PARN: variants seen among roughly 807,000 people sequenced by gnomAD.
PARN encodes the protein poly(A)-specific ribonuclease PARN.
In PARN, 71 loss-of-function variants were observed where a neutral mutation model predicts 102.8. That is an observed-to-expected ratio of 0.69 (90% CI 0.57 to 0.84). The LOEUF (loss-of-function observed/expected upper bound fraction) is 0.84, where lower values mean the gene tolerates loss of function less well. Ranked by LOEUF, PARN falls within the 40% of genes least tolerant of loss-of-function variation. The pLI is 0.00. For missense variants in PARN, 782 were observed against 760.9 expected, an observed-to-expected ratio of 1.03 and a Z score of -0.33; for synonymous variants, 261 against 252.9, an observed-to-expected ratio of 1.03 and a Z score of -0.30.
chr16:14,487,081 G>A (rs536708347), intron 21 of PARN, among the ~76,000 whole-genome samples: 1 of 152,352 alleles, frequency 6.6e-6, no homozygotes, highest in African/African-American at 2.4e-5. Context: ...CGGGGCATCC[G>A]GTGGAAGTCT....
chr16:14,570,590 C>T (rs1230479425), intron 18 of PARN, among the ~76,000 whole-genome samples: 4 of 147,248 alleles, frequency 2.7e-5, no homozygotes, highest in African/African-American at 7.6e-5. Flanking sequence ...GCGGAGGTTG[C>T]AGTGAACAAA....
intron 10 of PARN, among the ~76,000 whole-genome samples, chr16:14,604,636 G>C (rs1197931740): frequency 6.6e-6 from 1 of 150,888 alleles, no homozygotes; most frequent in Non-Finnish European, 1.5e-5. Flanking sequence ...TTTTTTTTTT[G>C]AGACAGTCTC....
In PARN at chr16:14,436,472, A is replaced by T. The variant is rs1960700799; in HGVS notation, c.*245T>A. 1 of 565,614 alleles carries T rather than the reference A, an allele frequency of 1.8e-6. No individual in the cohort carries two copies. Among genetic ancestry groups the T allele is most frequent in the Non-Finnish European group, 3.1e-6 (1 of 318,468 alleles). The allele number at this position is 565,614 out of a possible 1,614,324, so 35.0% of individuals were successfully genotyped here. A position where few individuals can be genotyped will look rare whatever the true frequency, so the allele number is the denominator to read the frequency against. On this transcript the variant is annotated 3_prime_UTR_variant, in exon 24 of 24. Transcript: ENST00000437198. ...GCAACACGGAATTCACTGGTTAAGC[A>T]CGTACACATTCATGACAGCCTACAA...
intron 17 of PARN, 64 bp from the exon 18 acceptor site, chr16:14,581,007 G>T: frequency 1.1e-6 from 1 of 891,814 alleles, no homozygotes; most frequent in Non-Finnish European, 1.8e-6. Context: ...TGAAAGTTCA[G>T]ACCAAAACAG....
rs1012033769 is a variant in PARN, at chr16:14,628,269, A to C, written c.98-18T>G. On this transcript the variant is annotated intron_variant, in intron 2 of 23. Transcript: ENST00000437198. ...ACTGATTCCTAGATTTTAAGAAATA[A>C]AAATTTTTAGCTTACTAATAAATAC... The C allele has an allele frequency of 2.7e-6, 4 of 1,486,478 alleles. No individual in the cohort carries two copies. The highest frequency in any genetic ancestry group is 1.2e-5 in the South Asian group (1 of 85,720). 92.1% of individuals were successfully genotyped at this position (1,486,478 alleles called of 1,614,324 possible).
At chr16:14,600,836 A>C (rs1252734573) in intron 11 of PARN, among the ~76,000 whole-genome samples, 2 of 152,180 alleles carry the variant, frequency 1.3e-5, no homozygotes, top group Admixed American at 6.5e-5. Context: ...AGGCTGAGGC[A>C]GGAGAATCGC....
At chr16:14,487,847 AG>A (rs1963804544) in intron 21 of PARN, among the ~76,000 whole-genome samples, 1 of 152,206 alleles carries the variant, frequency 6.6e-6, no homozygotes. Flanking sequence ...GCATTTGCTG[AG>A]GCACAGAACT....
intron 11 of PARN, among the ~76,000 whole-genome samples, chr16:14,600,380 T>C (rs1356594916): frequency 6.6e-6 from 1 of 152,178 alleles, no homozygotes; most frequent in East Asian, 1.9e-4. Context: ...TCATAATTCC[T>C]GATTTTTTTT....
intron 21 of PARN, among the ~76,000 whole-genome samples, chr16:14,498,112 G>T (rs1596518735): frequency 8.5e-6 from 1 of 118,136 alleles, no homozygotes; most frequent in East Asian, 2.7e-4. Flanking sequence ...AATAGAGAGA[G>T]ACTCCATCTC....
intron 21 of PARN, among the ~76,000 whole-genome samples, chr16:14,518,417 T>C (rs1237565235): frequency 6.6e-6 from 1 of 151,934 alleles, no homozygotes; most frequent in Non-Finnish European, 1.5e-5. Flanking sequence ...TTAAATGGGC[T>C]TAATTTATGT....
chr16:14,608,756 C>G lies in PARN; in HGVS notation c.620+302G>C, dbSNP rs540227973. On this transcript the variant is annotated intron_variant, in intron 8 of 23. Coordinates refer to ENST00000437198, the MANE Select transcript of PARN (RefSeq NM_002582.4). ...TGAAAGTGAATTCTTTCTTCTGAAG[C>G]CTTCACGTATTAAGCGCGCCTCAAG... is the stretch of plus-strand genomic sequence containing the variant. Among the ~76,000 whole-genome samples, 7 of 152,262 alleles carry G rather than the reference C, an allele frequency of 4.6e-5. No individual in the cohort carries two copies. In the South Asian group the frequency reaches 1.5e-3, roughly 32 times the overall value.
chr16:14,539,944 C>A (rs1350142271), intron 21 of PARN, among the ~76,000 whole-genome samples: 2 of 152,136 alleles, frequency 1.3e-5, no homozygotes, highest in Non-Finnish European at 2.9e-5. Flanking sequence ...ATAGCATTTG[C>A]ATTGTTAGGC....
chr16:14,616,219 G>C (rs1971893161), intron 6 of PARN, among the ~76,000 whole-genome samples: 1 of 152,168 alleles, frequency 6.6e-6, no homozygotes, highest in South Asian at 2.1e-4. Flanking sequence ...AATCTGAAAT[G>C]TTCTAATGTC....
At chr16:14,441,060 A>G (rs1960918645) in intron 23 of PARN, among the ~76,000 whole-genome samples, 1 of 152,218 alleles carries the variant, frequency 6.6e-6, no homozygotes. Context: ...AATGTTTTAA[A>G]AGAAAACCAA....
intron 21 of PARN, among the ~76,000 whole-genome samples, chr16:14,519,210 A>G (rs1192729896): frequency 6.7e-6 from 1 of 150,272 alleles, no homozygotes; most frequent in African/African-American, 2.4e-5. Context: ...TGTATCAGAA[A>G]TATCAGTTTG....
intron 14 of PARN, among the ~76,000 whole-genome samples, chr16:14,585,372 T>G (rs970569763): frequency 2.0e-4 from 31 of 151,286 alleles, no homozygotes; most frequent in East Asian, 1.5e-3. Flanking sequence ...CTGTTTTTTT[T>G]TTTTTTTTTT....
chr16:14,576,314 T>C (rs1396232833), intron 18 of PARN: 2 of 152,050 alleles, frequency 1.3e-5, no homozygotes, highest in Admixed American at 6.6e-5. Flanking sequence ...TCCTGTAGAG[T>C]AAACTGCAGG....
At chr16:14,579,072 C>T (rs961382883) in intron 18 of PARN, among the ~76,000 whole-genome samples, 3 of 151,998 alleles carry the variant, frequency 2.0e-5, no homozygotes, top group Admixed American at 1.3e-4. Flanking sequence ...CTGCAGCTTC[C>T]GCCTCCTGGT....
intron 22 of PARN, among the ~76,000 whole-genome samples, chr16:14,453,909 T>C (rs1961571412): frequency 1.3e-5 from 2 of 152,188 alleles, no homozygotes; most frequent in South Asian, 4.1e-4. Context: ...ATTAAAAACA[T>C]AAGTTTTTAT....
Sources: gnomAD v4.1 joint callset for allele counts (sites outside exome capture counted in the v4.1 genomes callset) on GRCh38, gnomAD v4.1.1 for gene constraint, MANE v1.5 for transcripts, NCBI Gene and HGNC (gene_info 2026-07-23, HGNC 2026-07-21) for gene names.